The following EVA1A variants were observed in gnomAD, a reference collection of about 807,000 sequenced individuals.
EVA1A encodes eva-1 homolog A, regulator of programmed cell death, also known as protein eva-1 homolog A.
Under a neutral mutation model 9.8 loss-of-function variants are expected in EVA1A, and 7 were observed. The observed-to-expected ratio is 0.71, with a 90% CI of 0.41 to 1.34. The LOEUF (loss-of-function observed/expected upper bound fraction) is 1.34, where lower values mean the gene tolerates loss of function less well. EVA1A is among the 40% of genes most tolerant of loss of function. The pLI, the probability that EVA1A is intolerant of heterozygous loss-of-function variation, is 0.01. For synonymous variants in EVA1A, 90 were observed against 85.6 expected (o/e 1.05, Z -0.28); for missense variants, 206 against 205.9 (o/e 1.00, Z 0.00).
chr2:75,526,678 T>C (rs1558681811), intron 1 of EVA1A, among the ~76,000 whole-genome samples: 1 of 152,198 alleles, frequency 6.6e-6, no homozygotes, highest in Non-Finnish European at 1.5e-5. Context: ...GGAGCTAAAG[T>C]ACACGACACA....
At chr2:75,505,142 G>A (rs1183667514) in intron 3 of EVA1A, among the ~76,000 whole-genome samples, 3 of 152,146 alleles carry the variant, frequency 2.0e-5, no homozygotes, top group Admixed American at 1.3e-4. Flanking sequence ...AGAAGGCCCT[G>A]ACACATTATT....
intron 2 of EVA1A, among the ~76,000 whole-genome samples, chr2:75,520,239 C>G (rs1396362728): frequency 6.6e-6 from 1 of 152,118 alleles, no homozygotes; most frequent in Non-Finnish European, 1.5e-5. Context: ...TAAATGCCCC[C>G]CTTCTCTTCA....
rs183724780 is a variant in EVA1A at position 75,539,019 on chromosome 2, C to G, written c.-191-16532G>C. Among the ~76,000 whole-genome samples the G allele has an allele frequency of 1.3e-4, 20 of 152,276 alleles. No individual in the cohort carries two copies. In the East Asian group the frequency reaches 3.9e-3, roughly 29 times the overall value. On this transcript the variant is annotated intron_variant, in intron 1 of 3. Coordinates refer to ENST00000393913, the MANE Select transcript of EVA1A (RefSeq NM_001135032.2). ...ACTAGCTAAATGGAATATGGGAGCT[C>G]TGCATTATTTCTTGCAACTGCATAT...
rs761272832 is a variant in EVA1A at position 75,518,154 on chromosome 2, G to C, written c.-14C>G. ...GGGCAGCCTCATGGGACATCCAGAG[G>C]GGACCTCCTGGAGGTGCTTGGCTGA... On this transcript the variant is annotated 5_prime_UTR_variant, in exon 3 of 4. Coordinates refer to ENST00000393913, the MANE Select transcript of EVA1A (RefSeq NM_001135032.2). 1.2e-6 allele frequency: 2 copies of C among 1,612,944 alleles called. No individual in the cohort carries two copies. Among genetic ancestry groups the C allele is most frequent in the South Asian group, 2.2e-5 (2 of 90,918 alleles).
intron 1 of EVA1A, among the ~76,000 whole-genome samples, chr2:75,528,980 TA>T (rs1388539022): frequency 1.3e-5 from 2 of 152,212 alleles, no homozygotes; most frequent in African/African-American, 4.8e-5. Flanking sequence ...ACAACTTCAC[TA>T]TAAGCATAAC....
At chr2:75,557,027 T>A (rs1676735491) in intron 1 of EVA1A, among the ~76,000 whole-genome samples, 1 of 152,186 alleles carries the variant, frequency 6.6e-6, no homozygotes. Context: ...TACTAGAATG[T>A]TTCCCTGGCC....
chr2:75,527,135 A>G (rs1309518358), intron 1 of EVA1A, among the ~76,000 whole-genome samples: 1 of 152,156 alleles, frequency 6.6e-6, no homozygotes, highest in Non-Finnish European at 1.5e-5. Context: ...TAGCCACTCT[A>G]CTTTAGCCAA....
intron 1 of EVA1A, among the ~76,000 whole-genome samples, chr2:75,533,578 C>T (rs1245182280): frequency 6.6e-6 from 1 of 152,022 alleles, no homozygotes; most frequent in Non-Finnish European, 1.5e-5. Flanking sequence ...TTTCCTTTTC[C>T]TCATGAGTTT....
At chr2:75,507,553 G>A (rs201373843) in intron 3 of EVA1A, among the ~76,000 whole-genome samples, 1 of 152,170 alleles carries the variant, frequency 6.6e-6, no homozygotes, top group African/African-American at 2.4e-5. Flanking sequence ...CCTCCCTAGT[G>A]AAAATGGACT....
chr2:75,506,751 A>T (rs1025622550), intron 3 of EVA1A, among the ~76,000 whole-genome samples: 1 of 152,220 alleles, frequency 6.6e-6, no homozygotes, highest in Non-Finnish European at 1.5e-5. Flanking sequence ...GTCTTAGGAC[A>T]CATGGCCAGG....
chr2:75,511,539 C>T (rs116021986), intron 3 of EVA1A, among the ~76,000 whole-genome samples: 2,714 of 152,210 alleles, frequency 0.018, 76 homozygotes, highest in African/African-American at 0.062. Context: ...AAACAGTATG[C>T]ATGGTGTGCT....
chr2:75,518,735 A>G, intron 2 of EVA1A: 1 of 986,582 alleles, frequency 1.0e-6, no homozygotes, highest in Non-Finnish European at 1.2e-6. Flanking sequence ...CTGCGTTTTA[A>G]CTACAAGCCA....
rs1329831184 is a variant in EVA1A at position 75,512,450 on chromosome 2, T to A, written c.85+5606A>T. On this transcript the variant is annotated intron_variant, in intron 3 of 3. Coordinates refer to ENST00000393913, the MANE Select transcript of EVA1A (RefSeq NM_001135032.2). ...GAGAGTTCTGCAGACTGGGAGGGAG[T>A]CAGCCAGTCCAGGACTAAAAGGGAG... 2.0e-5 allele frequency among the ~76,000 whole-genome samples: 3 copies of A among 151,618 alleles called. No individual in the cohort carries two copies. In the East Asian group the frequency reaches 5.8e-4, roughly 29 times the overall value.
intron 3 of EVA1A, among the ~76,000 whole-genome samples, chr2:75,508,171 C>T (rs1237619353): frequency 1.6e-4 from 24 of 152,056 alleles, no homozygotes; most frequent in Admixed American, 1.6e-3. Flanking sequence ...ACAAATTGTA[C>T]AGCATGTGTG....
intron 3 of EVA1A, among the ~76,000 whole-genome samples, chr2:75,505,293 T>G (rs1674575725): frequency 6.6e-6 from 1 of 152,206 alleles, no homozygotes; most frequent in Non-Finnish European, 1.5e-5. Context: ...GTGGTTGCGC[T>G]ATAATTAGTT....
At position 75,493,572 on chromosome 2, in the gene EVA1A, G is replaced by A. The variant is rs1286070717; in HGVS notation, c.123C>T (p.Gly41=). 25 of 1,612,472 alleles carry A rather than the reference G, an allele frequency of 1.6e-5. No individual in the cohort carries two copies. The highest frequency in any genetic ancestry group is 2.0e-5 in the Non-Finnish European group (23 of 1,179,214). ...GGGTCAGCACCAGCCCGATGCACAC[G>A]CCAGAAACAAAGTACAGAGCTGCTC... is the stretch of plus-strand genomic sequence containing the variant. The part of the protein sequence containing the change: ...PERAALYFVS[G]VCIGLVLTLA... The change falls in exon 4 of 4, where the codon GGC becomes GGT. Residue 41 remains glycine, a synonymous_variant. Coordinates refer to ENST00000393913, the MANE Select transcript of EVA1A (RefSeq NM_001135032.2).
intron 3 of EVA1A, among the ~76,000 whole-genome samples, chr2:75,508,624 G>T (rs952112071): frequency 6.6e-6 from 1 of 151,932 alleles, no homozygotes; most frequent in African/African-American, 2.4e-5. Context: ...CCCTGCCTCC[G>T]CTTGCCTTGT....
chr2:75,531,734 A>C (rs2103894986), intron 1 of EVA1A, among the ~76,000 whole-genome samples: 1 of 152,290 alleles, frequency 6.6e-6, no homozygotes, highest in East Asian at 1.9e-4. Flanking sequence ...GCATAAGAAT[A>C]ATACAGTGCA....
In EVA1A at chr2:75,517,903, G is replaced by A. The variant is rs1319810242; in HGVS notation, c.85+153C>T. 5.8e-6 allele frequency: 5 copies of A among 865,586 alleles called. No individual in the cohort carries two copies. In the Admixed American group the frequency reaches 6.0e-5, roughly 10 times the overall value. 53.6% of individuals were successfully genotyped at this position (865,586 alleles called of 1,614,324 possible). On this transcript the variant is annotated intron_variant, in intron 3 of 3. Coordinates refer to ENST00000393913, the MANE Select transcript of EVA1A (RefSeq NM_001135032.2). ...TGACAAGCTTAACTCCCAACCTGGA[G>A]ACCTTTCATCTCAAAGCTCAGCAAA...
Sources: gnomAD v4.1 joint callset for allele counts (sites outside exome capture counted in the v4.1 genomes callset) on GRCh38, gnomAD v4.1.1 for gene constraint, MANE v1.5 for transcripts, NCBI Gene and HGNC (gene_info 2026-07-23, HGNC 2026-07-21) for gene names.